Variants in NEK5 observed in about 807,000 individuals in gnomAD.
NEK5 encodes NIMA related kinase 5.
A neutral mutation model predicts 109.2 loss-of-function variants in NEK5; 88 were observed. The ratio of observed to expected loss-of-function variants is 0.81; its 90% CI spans 0.68 to 0.96. NEK5 has a LOEUF of 0.96. Among genes scored for constraint, NEK5 ranks in the 40% least tolerant of loss-of-function variants. The pLI is 0.00. For synonymous variants in NEK5, 283 were observed against 299.9 expected (o/e 0.94, Z 0.58); for missense variants, 834 against 920.7 (o/e 0.91, Z 1.22).
intron 17 of NEK5, among the ~76,000 whole-genome samples, chr13:52,080,538 T>C (rs1185720364): frequency 2.0e-5 from 3 of 152,238 alleles, no homozygotes; most frequent in Non-Finnish European, 4.4e-5. Context: ...TTCATTTTGT[T>C]CTATAGTAAG....
rs913179272 is a variant in NEK5 at position 52,128,880 on chromosome 13, TACACCCAC to T, written c.-91+141_-91+148del. ...ATAGAGACCGACGCGCCCTGGACGC[TACACCCAC>T]ACAGCCCAGGACGCTAGGCCTTTTC... On this transcript the variant is annotated intron_variant, in intron 1 of 23. Transcript: ENST00000684899. 5.9e-5 allele frequency: 9 copies of T among 152,422 alleles called. No homozygotes were observed. The East Asian group carries it at 1.7e-3, about 29-fold the overall frequency. 9.4% of individuals were successfully genotyped at this position (152,422 alleles called of 1,614,324 possible).
chr13:52,106,960 G>A (rs1337393960), intron 8 of NEK5, among the ~76,000 whole-genome samples: 2 of 152,144 alleles, frequency 1.3e-5, no homozygotes, highest in East Asian at 3.9e-4. Context: ...AGGATTCCTA[G>A]CTCCTAATCC....
intron 4 of NEK5, among the ~76,000 whole-genome samples, chr13:52,114,097 CAACT>C (rs1191005184): frequency 8.5e-5 from 13 of 152,218 alleles, no homozygotes; most frequent in South Asian, 2.1e-4. Context: ...ATTAGCCAAC[CAACT>C]AACAGCTGGG....
At chr13:52,069,845 T>G (rs1054227150) in intron 20 of NEK5, among the ~76,000 whole-genome samples, 1 of 152,218 alleles carries the variant, frequency 6.6e-6, no homozygotes, top group Non-Finnish European at 1.5e-5. Context: ...AATGATGGCA[T>G]GTGAAGCCCT....
chr13:52,087,098 C>T (rs868082637), intron 15 of NEK5, among the ~76,000 whole-genome samples: 1 of 152,146 alleles, frequency 6.6e-6, no homozygotes, highest in Non-Finnish European at 1.5e-5. Context: ...AATACAAATC[C>T]CAAACCTGTT....
At chr13:52,040,022 A>G (rs1416038294) in intron 23 of NEK5, among the ~76,000 whole-genome samples, 1 of 151,474 alleles carries the variant, frequency 6.6e-6, no homozygotes, top group Non-Finnish European at 1.5e-5. Context: ...GGACACAGCT[A>G]GCAGGTGCTG....
At chr13:52,040,748 C>T (rs377540523) in intron 23 of NEK5, among the ~76,000 whole-genome samples, 6 of 152,126 alleles carry the variant, frequency 3.9e-5, no homozygotes, top group African/African-American at 1.2e-4. Flanking sequence ...ACATTTATCC[C>T]TCCAGAATGT....
intron 14 of NEK5, 55 bp downstream of exon 14, chr13:52,089,192 C>A: frequency 8.9e-7 from 1 of 1,121,962 alleles, no homozygotes; most frequent in Non-Finnish European, 1.4e-6. Context: ...AATCTGTGAA[C>A]AGAAAAACTA....
chr13:52,084,456 C>A (rs982028826), intron 16 of NEK5, among the ~76,000 whole-genome samples: 2 of 151,928 alleles, frequency 1.3e-5, no homozygotes, highest in Admixed American at 1.3e-4. Context: ...TGGGCTCAAG[C>A]GATCCTTCTG....
At position 52,065,095 on chromosome 13, in the gene NEK5, G is replaced by A. The variant is rs145437450; in HGVS notation, c.1975+389C>T. Reference sequence around the variant, plus strand: ...ATGACCCTGCCAAATCCCCCTCTGCGAGAAACACCCAAGAATGATCAATAA... The same window carrying A: ...ATGACCCTGCCAAATCCCCCTCTGCAAGAAACACCCAAGAATGATCAATAA... On this transcript the variant is annotated intron_variant, in intron 21 of 23. Transcript: ENST00000684899. The A allele has an allele frequency of 6.3e-3, 1,513 of 241,176 alleles. 58 individuals carry two copies. In the East Asian group the frequency reaches 0.1, roughly 17 times the overall value. The allele number at this position is 241,176 out of a possible 1,614,324, so 14.9% of individuals were successfully genotyped here.
chr13:52,099,625 G>A (rs1245076762), intron 12 of NEK5, 118 bp downstream of exon 12: 18 of 1,040,056 alleles, frequency 1.7e-5, no homozygotes, highest in African/African-American at 8.0e-5. Context: ...AGCCGAGATC[G>A]CGCCACTGCA....
chr13:52,083,176 T>C, intron 17 of NEK5, 84 bp downstream of exon 17: 1 of 899,716 alleles, frequency 1.1e-6, no homozygotes, highest in Non-Finnish European at 1.8e-6. Context: ...CCTACGTGGT[T>C]CTGCTGCACA....
chr13:52,120,775 G>A (rs1955952422), intron 3 of NEK5, among the ~76,000 whole-genome samples: 1 of 151,966 alleles, frequency 6.6e-6, no homozygotes, highest in South Asian at 2.1e-4. Context: ...AGCCAGGCGT[G>A]GTGGCACACA....
intron 16 of NEK5, among the ~76,000 whole-genome samples, chr13:52,084,734 TGAGA>T (rs1170629594): frequency 0.016 from 1,786 of 109,362 alleles, 12 homozygotes; most frequent in African/African-American, 0.018. Context: ...AGAGAGAGAG[TGAGA>T]GAGAGAGAGA....
rs934276753 is a variant in NEK5 at position 52,033,942 on chromosome 13, T to A, written c.*3006A>T. The A allele has an allele frequency of 1.3e-5, 2 of 152,194 alleles. No individual in the cohort carries two copies. The highest frequency in any genetic ancestry group is 4.8e-5 in the African/African-American group (2 of 41,428). The allele number at this position is 152,194 out of a possible 1,614,324, so 9.4% of individuals were successfully genotyped here. On this transcript the variant is annotated 3_prime_UTR_variant, in exon 24 of 24. Transcript: ENST00000684899. ...AATTATGTCCTGTAATTTACCCCCC[T>A]CCCCGCTGCTCCTCTGCTAACTCAT...
chr13:52,108,044 C>T (rs911723329), intron 8 of NEK5, among the ~76,000 whole-genome samples: 1 of 152,092 alleles, frequency 6.6e-6, no homozygotes, highest in African/African-American at 2.4e-5. Context: ...AATTTTGAGT[C>T]GGTCTGGTGA....
intron 3 of NEK5, among the ~76,000 whole-genome samples, chr13:52,125,283 G>T (rs111678579): frequency 6.6e-6 from 1 of 152,210 alleles, no homozygotes; most frequent in Non-Finnish European, 1.5e-5. Flanking sequence ...ATAGATGTTG[G>T]ATGGGTGTGG....
intron 17 of NEK5, among the ~76,000 whole-genome samples, chr13:52,079,856 A>G (rs1954947259): frequency 6.6e-6 from 1 of 150,488 alleles, no homozygotes; most frequent in South Asian, 2.1e-4. Context: ...GGAAGTGAGG[A>G]GCGTCTCTGC....
chr13:52,033,709 G>GTCA lies in NEK5; in HGVS notation c.*3236_*3238dup, dbSNP rs1041108386. ...AATAATTCTTGAGGGATTTTATAAG[G>GTCA]TCATCTTATAGACAAAATTAAGAGA... On this transcript the variant is annotated 3_prime_UTR_variant, in exon 24 of 24. Coordinates refer to ENST00000684899, the MANE Select transcript of NEK5 (RefSeq NM_001365552.1). 8 of 154,174 alleles carry GTCA rather than the reference G, an allele frequency of 5.2e-5. No homozygotes were observed. Among genetic ancestry groups the GTCA allele is most frequent in the African/African-American group, 1.7e-4 (7 of 41,428 alleles). The allele number at this position is 154,174 out of a possible 1,614,324, so 9.6% of individuals were successfully genotyped here.
Sources: gnomAD v4.1 joint callset for allele counts (sites outside exome capture counted in the v4.1 genomes callset) on GRCh38, gnomAD v4.1.1 for gene constraint, MANE v1.5 for transcripts, NCBI Gene and HGNC (gene_info 2026-07-23, HGNC 2026-07-21) for gene names.